Variants in CDK14 observed in about 807,000 individuals in gnomAD.
CDK14 encodes the protein cyclin dependent kinase 14.
A neutral mutation model predicts 60.7 loss-of-function variants in CDK14; 34 were observed. The observed-to-expected ratio is 0.56, with a 90% confidence interval of 0.43 to 0.75. The LOEUF (loss-of-function observed/expected upper bound fraction) is 0.75, where lower values mean the gene tolerates loss of function less well. Ranked by LOEUF, CDK14 falls within the 30% of genes least tolerant of loss-of-function variation. The pLI is 0.00. For missense variants in CDK14, 482 were observed against 564.1 expected, an observed-to-expected ratio of 0.85 and a Z score of 1.47; for synonymous variants, 197 against 203.7, an observed-to-expected ratio of 0.97 and a Z score of 0.28.
At chr7:90,639,899 C>G (rs1391903932) in intron 2 of CDK14, among the ~76,000 whole-genome samples, 1 of 152,126 alleles carries the variant, frequency 6.6e-6, no homozygotes, top group African/African-American at 2.4e-5. Context: ...CGGCGAGACT[C>G]CGTGGGCGTA....
intron 3 of CDK14, among the ~76,000 whole-genome samples, chr7:90,743,923 A>G (rs931785611): frequency 6.6e-6 from 1 of 151,192 alleles, no homozygotes; most frequent in African/African-American, 2.4e-5. Context: ...TTATTTTTTA[A>G]TCTGAGAGCT....
intron 14 of CDK14, among the ~76,000 whole-genome samples, chr7:91,169,739 T>C (rs1014933343): frequency 6.6e-6 from 1 of 152,214 alleles, no homozygotes; most frequent in Non-Finnish European, 1.5e-5. Flanking sequence ...ACTCGATTTG[T>C]GTTTAAGCTG....
intron 5 of CDK14, among the ~76,000 whole-genome samples, chr7:90,803,715 A>G (rs1788729153): frequency 1.3e-5 from 2 of 152,134 alleles, no homozygotes; most frequent in African/African-American, 4.8e-5. Flanking sequence ...TAAATTGAGA[A>G]CTTTACAAGT....
At chr7:90,621,588 ATT>A (rs952506340) in intron 2 of CDK14, among the ~76,000 whole-genome samples, 95 of 151,432 alleles carry the variant, frequency 6.3e-4, no homozygotes, top group African/African-American at 2.2e-3. Flanking sequence ...TTTTAGGTGA[ATT>A]TGTTCCCATA....
intron 4 of CDK14, among the ~76,000 whole-genome samples, chr7:90,764,521 G>T (rs1804469488): frequency 6.6e-6 from 1 of 152,130 alleles, no homozygotes; most frequent in South Asian, 2.1e-4. Flanking sequence ...TGTAACAATG[G>T]AGAGATGGCA....
intron 3 of CDK14, among the ~76,000 whole-genome samples, chr7:90,740,065 G>T (rs1163392038): frequency 1.3e-5 from 2 of 151,758 alleles, no homozygotes; most frequent in East Asian, 3.9e-4. Flanking sequence ...GGTCCTAAGT[G>T]AATGTAATGC....
chr7:91,100,543 G>A (rs1799122300), intron 12 of CDK14, among the ~76,000 whole-genome samples: 1 of 152,158 alleles, frequency 6.6e-6, no homozygotes, highest in African/African-American at 2.4e-5. Flanking sequence ...TTATGATAAT[G>A]TCTGTATCAA....
chr7:90,854,135 T>A (rs1790742497), intron 5 of CDK14, among the ~76,000 whole-genome samples: 2 of 152,244 alleles, frequency 1.3e-5, no homozygotes, highest in Middle Eastern at 3.4e-3. Context: ...CTGTAGAAGA[T>A]ACAGATGTGT....
At chr7:90,914,190 A>G (rs530133577) in intron 7 of CDK14, among the ~76,000 whole-genome samples, 9 of 152,248 alleles carry the variant, frequency 5.9e-5, no homozygotes, top group Admixed American at 4.6e-4. Context: ...GTGTCTACTG[A>G]ATGCTCAACT....
intron 8 of CDK14, among the ~76,000 whole-genome samples, chr7:90,940,127 A>G (rs1793873711): frequency 6.6e-6 from 1 of 152,160 alleles, no homozygotes; most frequent in Non-Finnish European, 1.5e-5. Context: ...TGCAAAGAGT[A>G]CAAAATGGGA....
At chr7:91,021,178 T>G (rs567986462) in intron 10 of CDK14, among the ~76,000 whole-genome samples, 1 of 152,196 alleles carries the variant, frequency 6.6e-6, no homozygotes, top group Non-Finnish European at 1.5e-5. Flanking sequence ...CATTGCCATA[T>G]ACTATCAACT....
chr7:90,749,238 T>A, intron 4 of CDK14, among the ~76,000 whole-genome samples: 1 of 137,702 alleles, frequency 7.3e-6, no homozygotes, highest in Non-Finnish European at 1.6e-5. Flanking sequence ...CTTGCCTCGT[T>A]CTATATCTTG....
intron 12 of CDK14, among the ~76,000 whole-genome samples, chr7:91,097,001 T>C (rs531849299): frequency 4.3e-4 from 65 of 152,302 alleles, no homozygotes; most frequent in Non-Finnish European, 7.5e-4. Context: ...ATTTTTTCTT[T>C]TCACAAAAGG....
At chr7:90,698,943 C>A (rs1177084331) in intron 2 of CDK14, among the ~76,000 whole-genome samples, 2 of 152,226 alleles carry the variant, frequency 1.3e-5, no homozygotes, top group South Asian at 2.1e-4. Context: ...GGAAGAAAAT[C>A]CACAGAGAGA....
At chr7:91,059,274 A>T (rs946953967) in intron 11 of CDK14, among the ~76,000 whole-genome samples, 2 of 150,656 alleles carry the variant, frequency 1.3e-5, no homozygotes, top group Admixed American at 1.3e-4. Flanking sequence ...TTTTTATTGC[A>T]TCTATTTGAT....
chr7:90,669,474 A>G (rs910825634), intron 2 of CDK14, among the ~76,000 whole-genome samples: 1 of 152,198 alleles, frequency 6.6e-6, no homozygotes, highest in East Asian at 1.9e-4. Flanking sequence ...CAGACCCAAA[A>G]AGGGTCATGA....
At chr7:90,600,481 C>T (rs903765689) in intron 1 of CDK14, among the ~76,000 whole-genome samples, 10 of 152,074 alleles carry the variant, frequency 6.6e-5, no homozygotes, top group African/African-American at 7.2e-5. Context: ...TTATACTCTG[C>T]GATATTTGAG....
chr7:90,806,213 C>T (rs1191025644), intron 5 of CDK14, among the ~76,000 whole-genome samples: 1 of 151,822 alleles, frequency 6.6e-6, no homozygotes, highest in African/African-American at 2.4e-5. Context: ...AATTTTGTGC[C>T]CTTGGATTAC....
chr7:91,163,183 G>A (rs1003961216), intron 14 of CDK14, among the ~76,000 whole-genome samples: 1 of 152,194 alleles, frequency 6.6e-6, no homozygotes, highest in Non-Finnish European at 1.5e-5. Context: ...AAGCAGCAAA[G>A]AAGATCTTCT....
Sources: gnomAD v4.1 joint callset for allele counts (sites outside exome capture counted in the v4.1 genomes callset) on GRCh38, gnomAD v4.1.1 for gene constraint, MANE v1.5 for transcripts, NCBI Gene and HGNC (gene_info 2026-07-23, HGNC 2026-07-21) for gene names.